The following RAPGEF2 variants were observed in gnomAD, a reference collection of about 807,000 sequenced individuals.
RAPGEF2 encodes the protein Rap guanine nucleotide exchange factor 2.
Under a neutral mutation model 186.7 loss-of-function variants are expected in RAPGEF2, and 54 were observed. The ratio of observed to expected loss-of-function variants is 0.29; its 90% CI spans 0.23 to 0.36. The LOEUF (loss-of-function observed/expected upper bound fraction) is 0.36. Ranked by LOEUF, RAPGEF2 falls within the 10% of genes least tolerant of loss-of-function variation. The pLI is 1.00. For missense variants in RAPGEF2, 1,532 were observed against 2,045.0 expected, an observed-to-expected ratio of 0.75 and a Z score of 4.84; for synonymous variants, 712 against 705.9, an observed-to-expected ratio of 1.01 and a Z score of -0.14.
rs1375074045 is a variant in RAPGEF2 at position 159,351,009 on chromosome 4, T to C, written c.3865+720T>C. 5.4e-6 allele frequency: 8 copies of C among 1,485,220 alleles called. No homozygotes were observed. The Admixed American group carries it at 1.4e-4, about 26-fold the overall frequency. The allele number at this position is 1,485,220 out of a possible 1,614,324, so 92.0% of individuals were successfully genotyped here. A position where few individuals can be genotyped will look rare whatever the true frequency, so the allele number is the denominator to read the frequency against. On this transcript the variant is annotated intron_variant, in intron 26 of 29. Coordinates refer to ENST00000691494, the MANE Select transcript of RAPGEF2 (RefSeq NM_001394067.2). ...ATTTTGTATGGGTATCAGTCTCTCC[T>C]GTCCTTGTTACATGGATGCATCTCA...
intron 8 of RAPGEF2, among the ~76,000 whole-genome samples, chr4:159,311,410 G>A (rs536375084): frequency 3.3e-5 from 5 of 152,232 alleles, no homozygotes; most frequent in East Asian, 1.9e-4. Flanking sequence ...TGCGTGCAGC[G>A]TTCATTGCTG....
chr4:159,323,117 A>C (rs866070912), intron 10 of RAPGEF2, among the ~76,000 whole-genome samples: 6 of 152,328 alleles, frequency 3.9e-5, no homozygotes, highest in Middle Eastern at 6.8e-3. Context: ...GCATTTTGTC[A>C]GACAAAATGA....
At chr4:159,294,220 GA>G (rs1262307609) in intron 7 of RAPGEF2, among the ~76,000 whole-genome samples, 2 of 152,196 alleles carry the variant, frequency 1.3e-5, no homozygotes, top group African/African-American at 4.8e-5. Flanking sequence ...AGGCAGCTTA[GA>G]ATCCTCCATG....
At chr4:159,318,133 A>C (rs1764822128) in intron 9 of RAPGEF2, among the ~76,000 whole-genome samples, 1 of 152,242 alleles carries the variant, frequency 6.6e-6, no homozygotes, top group African/African-American at 2.4e-5. Flanking sequence ...ACTTGCAAGC[A>C]ATGACAATTA....
At chr4:159,203,091 C>A (rs1749618881) in intron 3 of RAPGEF2, among the ~76,000 whole-genome samples, 1 of 152,170 alleles carries the variant, frequency 6.6e-6, no homozygotes, top group African/African-American at 2.4e-5. Flanking sequence ...AACTTGATCG[C>A]TTGCATTTAC....
intron 1 of RAPGEF2, among the ~76,000 whole-genome samples, chr4:159,112,839 AAATT>A (rs1738643080): frequency 6.6e-6 from 1 of 152,210 alleles, no homozygotes; most frequent in South Asian, 2.1e-4. Context: ...CTCCCCCACA[AAATT>A]AATTAACTAT....
intron 1 of RAPGEF2, among the ~76,000 whole-genome samples, chr4:159,125,389 A>T (rs1740174270): frequency 6.6e-6 from 1 of 152,162 alleles, no homozygotes; most frequent in African/African-American, 2.4e-5. Flanking sequence ...CAGAGTTTGT[A>T]TTCCGTTTTC....
At chr4:159,315,119 A>G (rs1338619275) in intron 9 of RAPGEF2, among the ~76,000 whole-genome samples, 2 of 151,766 alleles carry the variant, frequency 1.3e-5, no homozygotes, top group Non-Finnish European at 1.5e-5. Context: ...TATTAAGCTC[A>G]TGTTTTCTGT....
intron 7 of RAPGEF2, among the ~76,000 whole-genome samples, chr4:159,297,442 A>G (rs1022674460): frequency 1.3e-5 from 2 of 152,214 alleles, no homozygotes; most frequent in Non-Finnish European, 2.9e-5. Flanking sequence ...GCACAAAACT[A>G]CGCAAGTTGT....
In RAPGEF2 at chr4:159,343,430, G is replaced by A. The variant is rs754736404; in HGVS notation, c.3254+26G>A. ...GTGAGTATGTCATCTTCAGTGGCAC[G>A]TGTGAGAGTAGAGAAGGTTAAATTT... On this transcript the variant is annotated intron_variant, in intron 22 of 29. Coordinates refer to ENST00000691494, the MANE Select transcript of RAPGEF2 (RefSeq NM_001394067.2). The A allele has an allele frequency of 5.8e-5, 94 of 1,610,612 alleles. No homozygotes were observed. The highest frequency in any genetic ancestry group is 6.6e-5 in the Non-Finnish European group (78 of 1,177,406).
chr4:159,198,243 T>C (rs72699335), intron 3 of RAPGEF2, among the ~76,000 whole-genome samples: 37,226 of 128,186 alleles, frequency 0.29, 7,039 homozygotes, highest in Non-Finnish European at 0.33. Context: ...TTTCTTTCTT[T>C]CTTCCTTTCT....
At chr4:159,152,536 T>C (rs1334867001) in intron 1 of RAPGEF2, among the ~76,000 whole-genome samples, 1 of 152,234 alleles carries the variant, frequency 6.6e-6, no homozygotes, top group African/African-American at 2.4e-5. Context: ...GGAATAATTT[T>C]AGATTACAGA....
intron 2 of RAPGEF2, among the ~76,000 whole-genome samples, chr4:159,192,446 C>CT (rs1748220820): frequency 6.6e-6 from 1 of 152,146 alleles, no homozygotes. Context: ...GAAATAAACA[C>CT]TTTTAATAGC....
intron 1 of RAPGEF2, among the ~76,000 whole-genome samples, chr4:159,155,089 A>G (rs980623069): frequency 3.3e-5 from 5 of 152,194 alleles, no homozygotes; most frequent in African/African-American, 1.2e-4. Flanking sequence ...ATATTCCAAA[A>G]TATAGTGTAA....
chr4:159,265,708 T>C (rs578122912), intron 7 of RAPGEF2, among the ~76,000 whole-genome samples: 1 of 151,862 alleles, frequency 6.6e-6, no homozygotes, highest in African/African-American at 2.4e-5. Context: ...TATCAGGAGG[T>C]GGTATGGTAA....
Position 159,176,863 on chromosome 4 carries a change from T to C in RAPGEF2, c.70-9779T>C, listed in dbSNP as rs543880178. Among the ~76,000 whole-genome samples, 699 of 152,320 alleles carry C rather than the reference T, an allele frequency of 4.6e-3. 2 individuals carry two copies. The highest frequency in any genetic ancestry group is 7.2e-3 in the Non-Finnish European group (491 of 68,022). On this transcript the variant is annotated intron_variant, in intron 1 of 29. Coordinates refer to ENST00000691494, the MANE Select transcript of RAPGEF2 (RefSeq NM_001394067.2). Reference sequence around the variant, plus strand: ...TGCATGCAGAATTTTTTTTAACGACTTCATTTTAAGTGTTGTAAAACAGTC... The same window carrying C: ...TGCATGCAGAATTTTTTTTAACGACCTCATTTTAAGTGTTGTAAAACAGTC...
Position 159,238,894 on chromosome 4 carries a change from T to C in RAPGEF2, c.357+10T>C, listed in dbSNP as rs765607845. On this transcript the variant is annotated intron_variant, in intron 5 of 29. Coordinates refer to ENST00000691494, the MANE Select transcript of RAPGEF2 (RefSeq NM_001394067.2). ...TTCTGAAATGATTGTGGTAAGAGTA[T>C]TTCTGTGAGGACTATTTTTCCCCTA... 1 of 1,477,872 alleles carries C rather than the reference T, an allele frequency of 6.8e-7. No homozygotes were observed. The highest frequency in any genetic ancestry group is 1.4e-5 in the South Asian group (1 of 71,090). 91.5% of individuals were successfully genotyped at this position (1,477,872 alleles called of 1,614,324 possible). A position where few individuals can be genotyped will look rare whatever the true frequency, so the allele number is the denominator to read the frequency against.
chr4:159,295,752 T>TGCGC (rs1348555350), intron 7 of RAPGEF2, among the ~76,000 whole-genome samples: 16 of 111,838 alleles, frequency 1.4e-4, no homozygotes, highest in African/African-American at 3.4e-4. Context: ...TGTGTGTGTG[T>TGCGC]GTGCGCGCGC....
At chr4:159,234,235 C>T (rs565060689) in intron 4 of RAPGEF2, among the ~76,000 whole-genome samples, 4 of 152,252 alleles carry the variant, frequency 2.6e-5, no homozygotes, top group African/African-American at 9.6e-5. Flanking sequence ...CAATCCTTAC[C>T]TACTTCTGAT....
Sources: allele counts gnomAD v4.1 joint callset (sites outside exome capture counted in the v4.1 genomes callset), GRCh38; gene constraint gnomAD v4.1.1; transcripts MANE v1.5; gene names NCBI Gene and HGNC (gene_info 2026-07-23, HGNC 2026-07-21).